TOR2A: variants seen among roughly 807,000 people sequenced by gnomAD.
The protein encoded by TOR2A is prosalusin.
In TOR2A, 24 loss-of-function variants were observed where a neutral mutation model predicts 28.6. That is an observed-to-expected ratio of 0.84 (90% CI 0.61 to 1.18). The LOEUF is 1.18. TOR2A is among the 50% of genes most tolerant of loss of function. The pLI is 0.00. For missense variants in TOR2A, 426 were observed against 448.1 expected (o/e 0.95, Z 0.45); for synonymous variants, 203 against 203.1 (o/e 1.00, Z 0.00).
At chr9:127,733,920 C>G in intron 2 of TOR2A, 1 of 406,794 alleles carries the variant, frequency 2.5e-6, no homozygotes, top group Non-Finnish European at 4.4e-6. Flanking sequence ...CAATCAACAA[C>G]AGTAGTAGTA....
intron 2 of TOR2A, 199 bp downstream of exon 2, chr9:127,734,100 C>T (rs1844583334): frequency 1.7e-6 from 1 of 600,708 alleles, no homozygotes; most frequent in Admixed American, 3.8e-5. Flanking sequence ...GCCAGGGTTC[C>T]TTACTGCCCC....
At position 127,731,570 on chromosome 9, in the gene TOR2A, T is replaced by C. The variant is rs1844419110; in HGVS notation, c.*464A>G. Reference sequence around the variant, plus strand: ...ATTATACTTGTTTTCTTTTACAAAATTAAAAACATCTAAAACCAGGCCCAA... The same window carrying C: ...ATTATACTTGTTTTCTTTTACAAAACTAAAAACATCTAAAACCAGGCCCAA... On this transcript the variant is annotated 3_prime_UTR_variant, in exon 5 of 5. Transcript: ENST00000373284. The C allele has an allele frequency of 4.6e-5, 64 of 1,402,980 alleles. No homozygotes were observed. In the South Asian group the frequency reaches 9.7e-4, roughly 21 times the overall value. 86.9% of individuals were successfully genotyped at this position (1,402,980 alleles called of 1,614,324 possible).
chr9:127,734,609 A>C (rs768124420), intron 1 of TOR2A, 45 bp from the exon 2 acceptor site: 1 of 1,447,630 alleles, frequency 6.9e-7, no homozygotes, highest in Admixed American at 2.7e-5. Flanking sequence ...ACCGAGGCAG[A>C]GGTTCAAGGA....
rs887795230 is a variant in TOR2A, at chr9:127,735,236, C to T, written c.35G>A (p.Gly12Asp). 1.6e-5 allele frequency: 23 copies of T among 1,438,376 alleles called. No homozygotes were observed. The highest frequency in any genetic ancestry group is 2.1e-5 in the Non-Finnish European group (23 of 1,105,658). 89.1% of individuals were successfully genotyped at this position (1,438,376 alleles called of 1,614,324 possible). A position where few individuals can be genotyped will look rare whatever the true frequency, so the allele number is the denominator to read the frequency against. ...CAGCCCGAGCAGCCCGAGGAGCGAG[C>T]CCCAGGGCCGGCAGCCGCGCGTCGC... Reference protein sequence around the residue: ...AAATRGCRPWGSLLGLLGLVS... With the variant: ...AAATRGCRPWDSLLGLLGLVS... Residue 12 changes from glycine to aspartate, a missense_variant, in exon 1 of 5, where the codon GGC becomes GAC. Physicochemically the swap from Gly to Asp is moderately conservative, Grantham distance 94. Coordinates refer to ENST00000373284, the MANE Select transcript of TOR2A (RefSeq NM_001085347.3).
rs774527500 is a variant in TOR2A, at chr9:127,732,569, G to A, written c.716C>T (p.Pro239Leu). The A allele has an allele frequency of 4.2e-5, 67 of 1,588,412 alleles. No individual in the cohort carries two copies. Among genetic ancestry groups the A allele is most frequent in the Admixed American group, 6.9e-5 (4 of 57,870 alleles). The change falls in exon 4 of 5, where the codon CCG becomes CTG. Residue 239 changes from proline to leucine, a missense_variant. Pro to Leu is a moderately conservative substitution (Grantham distance 98, BLOSUM62 -3). Transcript: ENST00000373284. ...PVISRAVLDNPHHGFSNSGIM... is the reference protein window; with the variant it reads ...PVISRAVLDNLHHGFSNSGIM... ...GGCTGCTGAGCCAGACTCACGGTGC[G>A]GGTTGTCCAGCACCGCGCGGGAGAT...
chr9:127,733,208 A>G lies in TOR2A; in HGVS notation c.593+177T>C, dbSNP rs752643438. On this transcript the variant is annotated intron_variant, in intron 3 of 4. Transcript: ENST00000373284. ...GCCCAGAATTTGCTGAGAATGTCCA[A>G]AGGGAAATCAACCAGGCGGAATGAC... 7 of 1,597,984 alleles carry G rather than the reference A, an allele frequency of 4.4e-6. No homozygotes were observed. The Admixed American group carries it at 1.0e-4, about 23-fold the overall frequency.
chr9:127,733,221 C>T (rs781409974), intron 3 of TOR2A, 164 bp downstream of exon 3: 4 of 1,602,154 alleles, frequency 2.5e-6, no homozygotes, highest in Admixed American at 1.7e-5. Flanking sequence ...GGAAATCAAC[C>T]AGGCGGAATG....
chr9:127,734,349 A>AGTGGT lies in TOR2A; in HGVS notation c.362_366dup (p.Phe123ThrfsTer22). ...TGGGGGAAGTGGAGGACGGGAGAAA[A>AGTGGT]GTGGTGCACGCGGGGGCTGCGGAGG... is the stretch of plus-strand genomic sequence containing the variant. On this transcript the variant is annotated frameshift_variant, in exon 2 of 5. Transcript: ENST00000373284. LOFTEE classifies it high-confidence loss of function. The AGTGGT allele has an allele frequency of 6.2e-7, 1 of 1,610,084 alleles. No homozygotes were observed. Among genetic ancestry groups the AGTGGT allele is most frequent in the Non-Finnish European group, 8.5e-7 (1 of 1,178,354 alleles).
In TOR2A at chr9:127,734,317, G is replaced by C. The variant is rs1219842970; in HGVS notation, c.399C>G (p.Ser133Arg). The change falls in exon 2 of 5, where the codon AGC becomes AGG. Residue 133 changes from serine to arginine, a missense_variant. Transcript: ENST00000373284. Reference sequence around the variant, plus strand: ...AGCCTACCTTGTAGCGCTCGATGTGGCTGGGGTGGGGGAAGTGGAGGACGG... The same window carrying C: ...AGCCTACCTTGTAGCGCTCGATGTGCCTGGGGTGGGGGAAGTGGAGGACGG... ...FSPVLHFPHP[S>R]HIERYKKDLK... 1.2e-6 allele frequency: 2 copies of C among 1,600,382 alleles called. No homozygotes were observed. Among genetic ancestry groups the C allele is most frequent in the Non-Finnish European group, 1.7e-6 (2 of 1,172,846 alleles).
chr9:127,733,108 C>G (rs867829219), intron 3 of TOR2A: 1 of 1,510,440 alleles, frequency 6.6e-7, no homozygotes, highest in African/African-American at 1.4e-5. Context: ...GGCCTGTGTC[C>G]TCCTCACCAC....
chr9:127,731,687 T>A lies in TOR2A; in HGVS notation c.*347A>T, dbSNP rs539280164. The A allele has an allele frequency of 1.3e-6, 1 of 754,990 alleles. No individual in the cohort carries two copies. Among genetic ancestry groups the A allele is most frequent in the East Asian group, 3.1e-5 (1 of 32,290 alleles). 46.8% of individuals were successfully genotyped at this position (754,990 alleles called of 1,614,324 possible). A position where few individuals can be genotyped will look rare whatever the true frequency, so the allele number is the denominator to read the frequency against. On this transcript the variant is annotated 3_prime_UTR_variant, in exon 5 of 5. Transcript: ENST00000373284. ...GGTGTGGGGTGGAGGGGAGGAGGTA[T>A]GGTGCCCGACCAAGGAGGCAAGGGG...
In TOR2A at chr9:127,731,901, C is replaced by T. The variant is rs1844442414; in HGVS notation, c.*133G>A. ...AGCCAGTTTAGAGGCCAGGGCCCTT[C>T]CTGGCCATCTGTCCCGTGGCCTAGC... On this transcript the variant is annotated 3_prime_UTR_variant, in exon 5 of 5. Transcript: ENST00000373284. 1 of 1,487,952 alleles carries T rather than the reference C, an allele frequency of 6.7e-7. No individual in the cohort carries two copies. 92.2% of individuals were successfully genotyped at this position (1,487,952 alleles called of 1,614,324 possible). A position where few individuals can be genotyped will look rare whatever the true frequency, so the allele number is the denominator to read the frequency against.
intron 2 of TOR2A, chr9:127,733,761 G>A (rs994445192): frequency 5.4e-5 from 32 of 597,364 alleles, no homozygotes; most frequent in Non-Finnish European, 9.1e-5. Context: ...AGTCAGAACA[G>A]GGACTCAAAC....
In TOR2A at chr9:127,735,239, C is replaced by T; in HGVS notation, c.32G>A (p.Trp11Ter). 7.0e-7 allele frequency: 1 copy of T among 1,431,890 alleles called. No individual in the cohort carries two copies. The highest frequency in any genetic ancestry group is 1.4e-5 in the South Asian group (1 of 70,550). 88.7% of individuals were successfully genotyped at this position (1,431,890 alleles called of 1,614,324 possible). A position where few individuals can be genotyped will look rare whatever the true frequency, so the allele number is the denominator to read the frequency against. Residue 11 changes from tryptophan to a stop codon, truncating the protein, a stop_gained, in exon 1 of 5, where the codon TGG becomes TAG. Transcript: ENST00000373284. LOFTEE classifies it high-confidence loss of function. ...CCCGAGCAGCCCGAGGAGCGAGCCC[C>T]AGGGCCGGCAGCCGCGCGTCGCAGC... MAAATRGCRP[W>*]GSLLGLLGLV...
intron 3 of TOR2A, 152 bp downstream of exon 3, chr9:127,733,233 C>T (rs1564401731): frequency 6.2e-7 from 1 of 1,608,514 alleles, no homozygotes; most frequent in South Asian, 1.1e-5. Context: ...GGCGGAATGA[C>T]AATGTCATCT....
At chr9:127,734,118 C>T in intron 2 of TOR2A, 181 bp downstream of exon 2, 1 of 757,890 alleles carries the variant, frequency 1.3e-6, no homozygotes, top group South Asian at 2.7e-5. Context: ...CCCAAGGAAT[C>T]AAAGTACTCC....
chr9:127,732,356 G>T lies in TOR2A; in HGVS notation c.722-78C>A. 2.0e-6 allele frequency: 3 copies of T among 1,501,466 alleles called. No homozygotes were observed. In the South Asian group the frequency reaches 4.1e-5, roughly 20 times the overall value. The allele number at this position is 1,501,466 out of a possible 1,614,324, so 93.0% of individuals were successfully genotyped here. On this transcript the variant is annotated intron_variant, in intron 4 of 4. Transcript: ENST00000373284. ...GCCGGCCCCAAACCCCCAGGGGCAG[G>T]AGGAAAAATGCTGGCCTCAGTTCCC...
chr9:127,733,639 TCTC>T, intron 2 of TOR2A, 79 bp from the exon 3 acceptor site: 3 of 1,290,832 alleles, frequency 2.3e-6, no homozygotes, highest in Non-Finnish European at 3.1e-6. Context: ...CCAAAACTAA[TCTC>T]CTTTCTAGGG....
Position 127,734,458 on chromosome 9 carries a change from C to T in TOR2A, c.258G>A (p.Pro86=). 1.2e-6 allele frequency: 2 copies of T among 1,608,740 alleles called. No homozygotes were observed. The highest frequency in any genetic ancestry group is 4.5e-5 in the East Asian group (2 of 44,542). ...AFVRDPAPTK[P]LVLSLHGWTG... ...TCCAGCCGTGCAGGGAGAGGACCAG[C>T]GGCTTGGTGGGGGCTGGGTCCCGCA... The change falls in exon 2 of 5, where the codon CCG becomes CCA. Residue 86 remains proline (P), a synonymous_variant. Transcript: ENST00000373284.
Sources: allele counts gnomAD v4.1 joint callset, GRCh38; gene constraint gnomAD v4.1.1; transcripts MANE v1.5; gene names NCBI Gene and HGNC (gene_info 2026-07-23, HGNC 2026-07-21).